The following NDEL1 variants were observed in gnomAD, a reference collection of about 807,000 sequenced individuals.
The protein encoded by NDEL1 is nuclear distribution protein nudE-like 1.
Under a neutral mutation model 45.7 loss-of-function variants are expected in NDEL1, and 9 were observed. The ratio of observed to expected loss-of-function variants is 0.20; its 90% CI spans 0.12 to 0.34. The LOEUF is 0.34. Ranked by LOEUF, NDEL1 falls within the 10% of genes least tolerant of loss-of-function variation. The pLI is 1.00. For missense variants in NDEL1, 306 were observed against 406.2 expected (o/e 0.75, Z 2.12); for synonymous variants, 133 against 158.6 (o/e 0.84, Z 1.21).
At chr17:8,460,765 C>A (rs556701375) in intron 8 of NDEL1, among the ~76,000 whole-genome samples, 64 of 152,232 alleles carry the variant, frequency 4.2e-4, no homozygotes, top group African/African-American at 1.5e-3. Flanking sequence ...TTCTGCATTC[C>A]TTACAGTTAT....
At chr17:8,418,707 TTCTC>T (rs545072294) in intron 1 of NDEL1, among the ~76,000 whole-genome samples, 91 of 148,246 alleles carry the variant, frequency 6.1e-4, no homozygotes, top group Middle Eastern at 3.4e-3. Flanking sequence ...TCTCTTTTCT[TTCTC>T]TCTCTCTCTC....
intron 1 of NDEL1, among the ~76,000 whole-genome samples, chr17:8,440,991 A>C (rs1487965778): frequency 6.6e-6 from 1 of 152,234 alleles, no homozygotes. Context: ...ACCTTCAAAT[A>C]AATGTTAGAT....
chr17:8,416,752 C>T (rs1332973166), intron 1 of NDEL1, among the ~76,000 whole-genome samples: 3 of 152,150 alleles, frequency 2.0e-5, no homozygotes, highest in Admixed American at 2.0e-4. Flanking sequence ...ATTCCTTCCT[C>T]CTCATTTCCC....
At chr17:8,439,454 A>G (rs1302842447) in intron 1 of NDEL1, among the ~76,000 whole-genome samples, 1 of 145,516 alleles carries the variant, frequency 6.9e-6, no homozygotes, top group Non-Finnish European at 1.5e-5. Flanking sequence ...AGGTTTCACC[A>G]TGTTGGCCAG....
rs753021777 is a variant in NDEL1, at chr17:8,450,743, A to G, written c.527-37A>G. 19 of 1,575,262 alleles carry G rather than the reference A, an allele frequency of 1.2e-5. No homozygotes were observed. The African/African-American group carries it at 1.4e-4, about 11-fold the overall frequency. ...TTTGCTTGATATATTTGCTCCCTCTAGTGAGTATTCCTGCCCTTGTTTGCA... is the reference window on the plus strand; with the variant it reads ...TTTGCTTGATATATTTGCTCCCTCTGGTGAGTATTCCTGCCCTTGTTTGCA... On this transcript the variant is annotated intron_variant, in intron 5 of 8. Coordinates refer to ENST00000334527, the MANE Select transcript of NDEL1 (RefSeq NM_030808.5).
In NDEL1 at chr17:8,465,605, A is replaced by G. The variant is rs1208347388; in HGVS notation, c.945-1325A>G. The G allele has an allele frequency of 6.6e-6, 1 of 150,890 alleles. No individual in the cohort carries two copies. The highest frequency in any genetic ancestry group is 2.4e-5 in the African/African-American group (1 of 41,068). 9.3% of individuals were successfully genotyped at this position (150,890 alleles called of 1,614,324 possible). A position where few individuals can be genotyped will look rare whatever the true frequency, so the allele number is the denominator to read the frequency against. On this transcript the variant is annotated intron_variant, in intron 8 of 8. Transcript: ENST00000334527. This position sits in a 1 kb window ranked among gnomAD's most constrained non-coding sequence, Gnocchi z 4.9. ...TATCCTCACCCCGTCAGTGTACGAA[A>G]CAGCTGTCTCTGCAGGGAGTGTGTG...
At chr17:8,432,371 T>TATATA (rs1491476100), upstream of NDEL1, among the ~76,000 whole-genome samples, 1 of 64,192 alleles carries the variant, frequency 1.6e-5, no homozygotes, top group South Asian at 4.5e-4. Flanking sequence ...TATATATATA[T>TATATA]TTAATGGCAG....
chr17:8,453,734 T>G (rs1910662367), intron 6 of NDEL1, among the ~76,000 whole-genome samples: 1 of 152,126 alleles, frequency 6.6e-6, no homozygotes. Flanking sequence ...ATTTAAAAAA[T>G]TGATATGTTG....
At chr17:8,429,139 A>G (rs1411098650) in intron 1 of NDEL1, among the ~76,000 whole-genome samples, 1 of 152,152 alleles carries the variant, frequency 6.6e-6, no homozygotes, top group Non-Finnish European at 1.5e-5. Flanking sequence ...AACCTATATC[A>G]TCTAAGTTCA....
chr17:8,447,470 A>T (rs1334009701), intron 4 of NDEL1, among the ~76,000 whole-genome samples: 1 of 152,106 alleles, frequency 6.6e-6, no homozygotes, highest in Non-Finnish European at 1.5e-5. Context: ...TTTATTTTTT[A>T]AACTGTCTCA....
intron 3 of NDEL1, 139 bp downstream of exon 3, chr17:8,446,003 G>A: frequency 1.1e-6 from 1 of 881,682 alleles, no homozygotes; most frequent in Non-Finnish European, 1.6e-6. Flanking sequence ...TGAATAAAAT[G>A]TTTTCTTTCA....
At chr17:8,437,578 A>G (rs1184650670) in intron 1 of NDEL1, among the ~76,000 whole-genome samples, 1 of 152,194 alleles carries the variant, frequency 6.6e-6, no homozygotes, top group South Asian at 2.1e-4. Flanking sequence ...TCAAAGAGAG[A>G]CCGTGTTTAT....
At position 8,444,115 on chromosome 17, in the gene NDEL1, C is replaced by T. The variant is rs77309145; in HGVS notation, c.-12-145C>T. ...TGGAGCAGTGGAGTGATTGACGTGCCTGAGTTTGAAGAGAGTTAACCACTG... is the reference window on the plus strand; with the variant it reads ...TGGAGCAGTGGAGTGATTGACGTGCTTGAGTTTGAAGAGAGTTAACCACTG... On this transcript the variant is annotated intron_variant, in intron 1 of 8. Coordinates refer to ENST00000334527, the MANE Select transcript of NDEL1 (RefSeq NM_030808.5). 6.7e-3 allele frequency: 3,835 copies of T among 575,286 alleles called. 103 individuals carry two copies. Among genetic ancestry groups the T allele is most frequent in the African/African-American group, 0.059 (3,101 of 52,754 alleles). The allele number at this position is 575,286 out of a possible 1,614,324, so 35.6% of individuals were successfully genotyped here.
At chr17:8,425,581 C>CAA (rs35170611) in intron 1 of NDEL1, among the ~76,000 whole-genome samples, 1,644 of 131,370 alleles carry the variant, frequency 0.013, 18 homozygotes, top group Middle Eastern at 0.073. Flanking sequence ...GACCTTGTCT[C>CAA]AAAAAAAAAA....
At chr17:8,416,457 T>A (rs1412026030) in intron 1 of NDEL1, among the ~76,000 whole-genome samples, 3 of 152,204 alleles carry the variant, frequency 2.0e-5, no homozygotes, top group Admixed American at 2.0e-4. Flanking sequence ...AGAATACTTG[T>A]TGGAAATGAT....
rs528658794 is a variant in NDEL1 at position 8,473,190 on chromosome 17, C to CT, written c.417+13041dup. Among the ~76,000 whole-genome samples, 331 of 146,722 alleles carry CT rather than the reference C, an allele frequency of 2.3e-3. 2 individuals carry two copies. The highest frequency in any genetic ancestry group is 4.0e-3 in the East Asian group (20 of 5,054). On this transcript the variant is annotated intron_variant, in intron 3 of 3. Coordinates refer to the NDEL1 transcript ENST00000581679. ...TTAGATCAGCCAGTAGGGAAGAATT[C>CT]TTTTTTTTTTTGAGACGGAGTCGCC...
intron 1 of NDEL1, among the ~76,000 whole-genome samples, chr17:8,439,669 A>T (rs115815717): frequency 9.3e-4 from 141 of 152,334 alleles, no homozygotes; most frequent in African/African-American, 3.0e-3. Flanking sequence ...ATATTCCTGA[A>T]ATGATCAGTT....
rs1172112829 is a variant in NDEL1, at chr17:8,467,444, A to G, written c.*421A>G. On this transcript the variant is annotated 3_prime_UTR_variant, in exon 9 of 9. Coordinates refer to ENST00000334527, the MANE Select transcript of NDEL1 (RefSeq NM_030808.5). This position sits in a 1 kb window ranked among gnomAD's most constrained non-coding sequence, Gnocchi z 6.3. ...AATCAGGTCAATGTGTGCCCTCCTG[A>G]GCTCCCACCCAGGCATCTCCAGTGC... The G allele has an allele frequency of 2.5e-6, 1 of 392,524 alleles. No individual in the cohort carries two copies. The highest frequency in any genetic ancestry group is 3.7e-5 in the East Asian group (1 of 27,328). 24.3% of individuals were successfully genotyped at this position (392,524 alleles called of 1,614,324 possible). A position where few individuals can be genotyped will look rare whatever the true frequency, so the allele number is the denominator to read the frequency against.
At chr17:8,437,796 T>C (rs1245950177) in intron 1 of NDEL1, among the ~76,000 whole-genome samples, 1 of 152,144 alleles carries the variant, frequency 6.6e-6, no homozygotes, top group Non-Finnish European at 1.5e-5. Context: ...ATAAAAGGCA[T>C]TTTGGACAGG....
Sources: gnomAD v4.1 joint callset for allele counts (sites outside exome capture counted in the v4.1 genomes callset) on GRCh38, gnomAD v4.1.1 for gene constraint, Gnocchi (gnomAD v3.1) non-coding constraint, MANE v1.5 for transcripts, NCBI Gene and HGNC (gene_info 2026-07-23, HGNC 2026-07-21) for gene names.